The following CAMKMT variants were observed in gnomAD, a reference collection of about 807,000 sequenced individuals.
CAMKMT encodes calmodulin-lysine N-methyltransferase.
In CAMKMT, 53 loss-of-function variants were observed where a neutral mutation model predicts 48.0. The ratio of observed to expected loss-of-function variants is 1.10; its 90% CI spans 0.89 to 1.39. The LOEUF (loss-of-function observed/expected upper bound fraction) is 1.39, where lower values mean the gene tolerates loss of function less well. Among genes scored for constraint, CAMKMT ranks in the 40% most tolerant of loss-of-function variants. CAMKMT has a pLI of 0.00. For synonymous variants in CAMKMT, 165 were observed against 152.3 expected, an observed-to-expected ratio of 1.08 and a Z score of -0.61; for missense variants, 428 against 402.7, an observed-to-expected ratio of 1.06 and a Z score of -0.54.
intron 3 of CAMKMT, among the ~76,000 whole-genome samples, chr2:44,533,435 C>T (rs1008148406): frequency 1.4e-4 from 21 of 152,094 alleles, no homozygotes; most frequent in African/African-American, 4.8e-4. Flanking sequence ...GACAGGGTTT[C>T]ACCATGTTGG....
intron 3 of CAMKMT, among the ~76,000 whole-genome samples, chr2:44,658,357 A>G (rs1032958197): frequency 6.6e-6 from 1 of 152,240 alleles, no homozygotes; most frequent in African/African-American, 2.4e-5. Context: ...AGAGCAAAGG[A>G]AAATACAAGA....
chr2:44,443,350 G>T (rs1322854711), intron 3 of CAMKMT, among the ~76,000 whole-genome samples: 2 of 151,940 alleles, frequency 1.3e-5, no homozygotes, highest in Non-Finnish European at 2.9e-5. Flanking sequence ...GTAATGCATG[G>T]GTTAATATTA....
intron 8 of CAMKMT, among the ~76,000 whole-genome samples, chr2:44,746,727 G>GA (rs922512034): frequency 2.0e-5 from 3 of 151,956 alleles, no homozygotes; most frequent in Admixed American, 6.6e-5. Flanking sequence ...CACAGGTGTA[G>GA]AAAAAAAACC....
intron 3 of CAMKMT, among the ~76,000 whole-genome samples, chr2:44,597,645 AAG>A (rs1670739357): frequency 6.6e-6 from 1 of 152,228 alleles, no homozygotes; most frequent in African/African-American, 2.4e-5. Flanking sequence ...AAAATCCAAA[AAG>A]CAATTACATT....
intron 3 of CAMKMT, among the ~76,000 whole-genome samples, chr2:44,650,287 G>A (rs961930601): frequency 1.3e-5 from 2 of 152,122 alleles, no homozygotes; most frequent in Non-Finnish European, 1.5e-5. Context: ...GTCACCTGGT[G>A]CTCTCCCTGG....
At chr2:44,446,534 CG>C (rs1667008299) in intron 3 of CAMKMT, among the ~76,000 whole-genome samples, 1 of 151,362 alleles carries the variant, frequency 6.6e-6, no homozygotes, top group Admixed American at 6.6e-5. Context: ...TTAGTAGAGA[CG>C]GGGTTTTGCC....
chr2:44,425,563 A>T (rs1572844432), intron 3 of CAMKMT, among the ~76,000 whole-genome samples: 1 of 152,158 alleles, frequency 6.6e-6, no homozygotes. Context: ...CAGGTTTATA[A>T]GATTGATCCT....
At position 44,432,574 on chromosome 2, in the gene CAMKMT, A is replaced by G. The variant is rs940206088; in HGVS notation, c.376+42269A>G. 3.9e-5 allele frequency among the ~76,000 whole-genome samples: 6 copies of G among 152,322 alleles called. No homozygotes were observed. The East Asian group carries it at 7.7e-4, about 20-fold the overall frequency. Reference sequence around the variant, plus strand: ...GGAGCCACGAAGTAATTACAGGGTAACTTCTTGACATTATTTTCCAATGTT... The same window carrying G: ...GGAGCCACGAAGTAATTACAGGGTAGCTTCTTGACATTATTTTCCAATGTT... On this transcript the variant is annotated intron_variant, in intron 3 of 10. Coordinates refer to ENST00000378494, the MANE Select transcript of CAMKMT (RefSeq NM_024766.5).
intron 3 of CAMKMT, among the ~76,000 whole-genome samples, chr2:44,471,718 G>A (rs1030660223): frequency 3.9e-5 from 6 of 152,100 alleles, no homozygotes; most frequent in Non-Finnish European, 5.9e-5. Context: ...TCTGATTCTT[G>A]ATGTAAAGTA....
chr2:44,492,244 T>G (rs1315053192), intron 3 of CAMKMT, among the ~76,000 whole-genome samples: 1 of 152,162 alleles, frequency 6.6e-6, no homozygotes, highest in African/African-American at 2.4e-5. Context: ...ACATTTAAAA[T>G]GTTAGGAGAA....
intron 3 of CAMKMT, among the ~76,000 whole-genome samples, chr2:44,446,868 T>C (rs1667030385): frequency 6.6e-6 from 1 of 152,216 alleles, no homozygotes. Flanking sequence ...GCCATACCTG[T>C]GTCATTACCT....
At chr2:44,520,802 C>T (rs1671064761) in intron 3 of CAMKMT, among the ~76,000 whole-genome samples, 1 of 152,140 alleles carries the variant, frequency 6.6e-6, no homozygotes, top group Non-Finnish European at 1.5e-5. Flanking sequence ...GCAGTTCCCC[C>T]ATGCTATTCT....
At chr2:44,658,415 C>T (rs976957465) in intron 3 of CAMKMT, among the ~76,000 whole-genome samples, 5 of 150,866 alleles carry the variant, frequency 3.3e-5, no homozygotes, top group Non-Finnish European at 3.0e-5. Flanking sequence ...GGCTCACCAC[C>T]GCCCTACACA....
intron 3 of CAMKMT, among the ~76,000 whole-genome samples, chr2:44,587,913 T>G (rs1669967032): frequency 9.5e-6 from 1 of 105,068 alleles, no homozygotes; most frequent in African/African-American, 3.5e-5. Context: ...GTCTGGGAAG[T>G]GAGGAGCGTC....
intron 3 of CAMKMT, among the ~76,000 whole-genome samples, chr2:44,635,228 A>G (rs1673058240): frequency 6.6e-6 from 1 of 152,216 alleles, no homozygotes; most frequent in Non-Finnish European, 1.5e-5. Context: ...AGATAAGGAT[A>G]GTATTTATGG....
At chr2:44,556,913 C>CA (rs149290227) in intron 3 of CAMKMT, among the ~76,000 whole-genome samples, 3,533 of 151,686 alleles carry the variant, frequency 0.023, 114 homozygotes, top group African/African-American at 0.075. Context: ...CCCGTCTCTA[C>CA]AAAAAAAATT....
intron 3 of CAMKMT, among the ~76,000 whole-genome samples, chr2:44,622,263 T>G (rs1672240512): frequency 6.6e-6 from 1 of 152,248 alleles, no homozygotes; most frequent in Non-Finnish European, 1.5e-5. Context: ...TCTTTTTAGC[T>G]TTTAAAAAAT....
intron 3 of CAMKMT, among the ~76,000 whole-genome samples, chr2:44,590,322 A>C (rs1670181686): frequency 1.3e-5 from 2 of 152,302 alleles, no homozygotes; most frequent in South Asian, 2.1e-4. Flanking sequence ...AAAGAGTTTG[A>C]GAAAGAATTG....
At chr2:44,599,826 T>TAAA (rs35544020) in intron 3 of CAMKMT, among the ~76,000 whole-genome samples, 1 of 145,438 alleles carries the variant, frequency 6.9e-6, no homozygotes, top group African/African-American at 2.5e-5. Flanking sequence ...TGGCAAGGTT[T>TAAA]AAAAAAAAAA....
Sources: gnomAD v4.1 joint callset for allele counts (sites outside exome capture counted in the v4.1 genomes callset) on GRCh38, gnomAD v4.1.1 for gene constraint, MANE v1.5 for transcripts, NCBI Gene and HGNC (gene_info 2026-07-23, HGNC 2026-07-21) for gene names.